Variants in UNC13B observed in about 807,000 individuals in gnomAD.
UNC13B encodes unc-13 homolog B, also known as protein unc-13 homolog B.
A neutral mutation model predicts 211.0 loss-of-function variants in UNC13B; 144 were observed. That is an observed-to-expected ratio of 0.68 (90% CI 0.60 to 0.78). UNC13B has a LOEUF of 0.78. Ranked by LOEUF, UNC13B falls within the 30% of genes least tolerant of loss-of-function variation. The pLI, the probability that UNC13B is intolerant of heterozygous loss-of-function variation, is 0.00. For missense variants in UNC13B, 1,777 were observed against 2,002.0 expected, an observed-to-expected ratio of 0.89 and a Z score of 2.14; for synonymous variants, 709 against 725.8, an observed-to-expected ratio of 0.98 and a Z score of 0.37.
At chr9:35,349,025 C>T (rs950761083) in intron 11 of UNC13B, among the ~76,000 whole-genome samples, 13 of 152,204 alleles carry the variant, frequency 8.5e-5, no homozygotes, top group African/African-American at 3.1e-4. Flanking sequence ...TCAAGTGATT[C>T]TCTTGCCTCA....
rs779032797 is a variant in UNC13B, at chr9:35,303,957, A to G, written c.4553A>G (p.His1518Arg). Residue 1518 changes from histidine (H) to arginine (R), a missense_variant, in exon 9 of 40, where the codon CAT (histidine) becomes CGT (arginine). His to Arg is a conservative substitution (Grantham distance 29). Coordinates refer to ENST00000635942, the MANE Select transcript of UNC13B (RefSeq NM_001371189.2). The part of the protein sequence containing the change: ...EYQEWLSCLE[H>R]GVWWPSEDGD... ...CAGGAATGGTTGTCATGTCTTGAAC[A>G]TGGAGTGTGGTGGCCATCAGAGGAT... The G allele has an allele frequency of 1.0e-5, 4 of 398,790 alleles. No homozygotes were observed. The highest frequency in any genetic ancestry group is 1.8e-5 in the Non-Finnish European group (4 of 225,868). 24.7% of individuals were successfully genotyped at this position (398,790 alleles called of 1,614,324 possible). A position where few individuals can be genotyped will look rare whatever the true frequency, so the allele number is the denominator to read the frequency against.
intron 3 of UNC13B, among the ~76,000 whole-genome samples, chr9:35,235,374 A>G (rs1391944453): frequency 6.6e-6 from 1 of 152,174 alleles, no homozygotes; most frequent in Non-Finnish European, 1.5e-5. Context: ...CTGTGACCAC[A>G]TGTTCCTATC....
intron 10 of UNC13B, among the ~76,000 whole-genome samples, chr9:35,313,053 G>A (rs530228617): frequency 1.5e-4 from 23 of 152,280 alleles, no homozygotes; most frequent in Non-Finnish European, 3.1e-4. Context: ...CAAGGGAACT[G>A]ATCGTTTTAA....
In UNC13B at chr9:35,370,499, A is replaced by G. The variant is rs1834049923; in HGVS notation, c.9540+103A>G. Reference sequence around the variant, plus strand: ...TGGAAGTCGTCCATTTAATGACTCAAATTGATCTGATGATCAATCATTTAA... The same window carrying G: ...TGGAAGTCGTCCATTTAATGACTCAGATTGATCTGATGATCAATCATTTAA... On this transcript the variant is annotated intron_variant, in intron 13 of 39. Coordinates refer to ENST00000635942, the MANE Select transcript of UNC13B (RefSeq NM_001371189.2). The G allele has an allele frequency of 3.8e-6, 4 of 1,051,896 alleles. No individual in the cohort carries two copies. The East Asian group carries it at 9.9e-5, about 26-fold the overall frequency. The allele number at this position is 1,051,896 out of a possible 1,614,324, so 65.2% of individuals were successfully genotyped here.
In UNC13B at chr9:35,366,966, C is replaced by T; in HGVS notation, c.9434C>T (p.Pro3145Leu). Residue 3145 changes from proline to leucine, a missense_variant, in exon 12 of 40, where the codon CCC becomes CTC. Coordinates refer to ENST00000635942, the MANE Select transcript of UNC13B (RefSeq NM_001371189.2). Reference protein sequence around the residue: ...QLQEIPDDGDPSLPQWLPEGP... With the variant: ...QLQEIPDDGDLSLPQWLPEGP... The stretch of plus-strand genomic sequence containing the variant: ...TTAAAGATTCCAGATGATGGTGACC[C>T]CTCTCTGCCTCAGTGGCTCCCGGAA... 1 of 1,613,954 alleles carries T rather than the reference C, an allele frequency of 6.2e-7. No individual in the cohort carries two copies. The highest frequency in any genetic ancestry group is 8.5e-7 in the Non-Finnish European group (1 of 1,179,866).
At chr9:35,208,379 T>C (rs1564068798) in intron 1 of UNC13B, among the ~76,000 whole-genome samples, 1 of 152,214 alleles carries the variant, frequency 6.6e-6, no homozygotes, top group East Asian at 1.9e-4. Context: ...CTGAAATAGA[T>C]CTGCCCTTTC....
chr9:35,256,377 A>G (rs984020023), intron 6 of UNC13B, among the ~76,000 whole-genome samples: 1 of 152,086 alleles, frequency 6.6e-6, no homozygotes, highest in Non-Finnish European at 1.5e-5. Flanking sequence ...CATCTAGTAT[A>G]ATTTTTAACA....
At chr9:35,233,270 A>G (rs1825310448) in intron 3 of UNC13B, among the ~76,000 whole-genome samples, 1 of 152,190 alleles carries the variant, frequency 6.6e-6, no homozygotes, top group Non-Finnish European at 1.5e-5. Context: ...TATGAGGCAC[A>G]GTGATCTTCT....
chr9:35,403,368 G>A, intron 38 of UNC13B, 72 bp from the exon 39 acceptor site: 1 of 1,603,698 alleles, frequency 6.2e-7, no homozygotes, highest in East Asian at 2.2e-5. Context: ...TCCTCCAAGG[G>A]GAAGGTCACC....
At chr9:35,287,649 T>A (rs1281901073) in intron 7 of UNC13B, among the ~76,000 whole-genome samples, 1 of 152,224 alleles carries the variant, frequency 6.6e-6, no homozygotes, top group Non-Finnish European at 1.5e-5. Context: ...TGCCTTAGTG[T>A]TTTTATTTAC....
intron 1 of UNC13B, among the ~76,000 whole-genome samples, chr9:35,182,042 AGGAAGAAGCT>A (rs1160434015): frequency 6.6e-6 from 1 of 152,168 alleles, no homozygotes. Flanking sequence ...TGCAGTGGGC[AGGAAGAAGCT>A]GTGGAGTGAT....
chr9:35,385,774 A>G lies in UNC13B; in HGVS notation c.10926A>G (p.Thr3642=), dbSNP rs1835148370. The G allele has an allele frequency of 1.2e-6, 2 of 1,610,480 alleles. No homozygotes were observed. Among genetic ancestry groups the G allele is most frequent in the Admixed American group, 1.7e-5 (1 of 59,928 alleles). ...AACGGCTTCAGGACTTAAAATCCAC[A>G]GTGGATTTGCTGACCAGCATTACTT... The part of the protein sequence containing the change: ...SPERLQDLKS[T]VDLLTSITFF... The change falls in exon 23 of 40, where the codon ACA becomes ACG. Residue 3642 remains threonine, a synonymous_variant. Coordinates refer to ENST00000635942, the MANE Select transcript of UNC13B (RefSeq NM_001371189.2).
chr9:35,270,129 G>A (rs1436015510), intron 7 of UNC13B, among the ~76,000 whole-genome samples: 1 of 152,114 alleles, frequency 6.6e-6, no homozygotes, highest in Non-Finnish European at 1.5e-5. Flanking sequence ...CTCCAATGAG[G>A]CTGGTTATTT....
intron 37 of UNC13B, chr9:35,401,802 C>G: frequency 1.4e-6 from 1 of 717,394 alleles, no homozygotes; most frequent in Non-Finnish European, 2.3e-6. Flanking sequence ...AGCTCTTTCA[C>G]TTCTTTCTCC....
chr9:35,207,478 T>TTTTA (rs56280520), intron 1 of UNC13B, among the ~76,000 whole-genome samples: 20,041 of 142,824 alleles, frequency 0.14, 1,620 homozygotes, highest in East Asian at 0.34. Flanking sequence ...AGAAATTAAT[T>TTTTA]TTTATTTATT....
In UNC13B at chr9:35,295,860, A is replaced by C. The variant is rs1829329955; in HGVS notation, c.691A>C (p.Ser231Arg). The stretch of plus-strand genomic sequence containing the variant: ...GCCACAGCAGCTGCTACTTCAAGGC[A>C]GTTCCCGGGACTCTTGTAATGACTC... ...RSPQQLLLQG[S>R]SRDSCNDSMQ... The change falls in exon 8 of 40, where the codon AGT (serine) becomes CGT (arginine). Residue 231 changes from serine to arginine, a missense_variant. Transcript: ENST00000635942. 6.2e-7 allele frequency: 1 copy of C among 1,614,042 alleles called. No homozygotes were observed. The highest frequency in any genetic ancestry group is 8.5e-7 in the Non-Finnish European group (1 of 1,180,026).
intron 11 of UNC13B, chr9:35,353,129 A>G (rs554798718): frequency 1.9e-5 from 23 of 1,232,142 alleles, no homozygotes; most frequent in East Asian, 3.2e-5. Context: ...AGGGCCTGAG[A>G]CTTTCAGTGA....
chr9:35,362,799 CAAAAAAAAAA>C (rs36011341), intron 11 of UNC13B, among the ~76,000 whole-genome samples: 3 of 98,846 alleles, frequency 3.0e-5, no homozygotes, highest in Non-Finnish European at 6.5e-5. Context: ...GACTCCGTCT[CAAAAAAAAAA>C]AAAAAAAAAA....
At chr9:35,166,461 T>A (rs572707175) in intron 1 of UNC13B, among the ~76,000 whole-genome samples, 292 of 152,040 alleles carry the variant, frequency 1.9e-3, no homozygotes, top group Middle Eastern at 3.4e-3. Context: ...AAGAAAAAAA[T>A]TTCCATGGGC....
Sources: allele counts gnomAD v4.1 joint callset (sites outside exome capture counted in the v4.1 genomes callset), GRCh38; gene constraint gnomAD v4.1.1; transcripts MANE v1.5; gene names NCBI Gene and HGNC (gene_info 2026-07-23, HGNC 2026-07-21).